ITPRID1: variants seen among roughly 807,000 people sequenced by gnomAD.
ITPRID1 encodes ITPR interacting domain containing 1.
A neutral mutation model predicts 95.4 loss-of-function variants in ITPRID1; 96 were observed. The ratio of observed to expected loss-of-function variants is 1.01; its 90% CI spans 0.85 to 1.19. The LOEUF is 1.19. ITPRID1 is among the 50% of genes most tolerant of loss of function. ITPRID1 has a pLI of 0.00. For missense variants in ITPRID1, 1,339 were observed against 1,252.9 expected (o/e 1.07, Z -1.04); for synonymous variants, 510 against 453.6 (o/e 1.12, Z -1.58).
At chr7:31,582,260 T>A (rs1462060471) in intron 9 of ITPRID1, among the ~76,000 whole-genome samples, 1 of 152,204 alleles carries the variant, frequency 6.6e-6, no homozygotes, top group Non-Finnish European at 1.5e-5. Flanking sequence ...AGATGATGTT[T>A]TCAAAGAAAT....
At chr7:31,534,509 C>CT (rs971072711) in intron 1 of ITPRID1, among the ~76,000 whole-genome samples, 1 of 152,016 alleles carries the variant, frequency 6.6e-6, no homozygotes, top group Admixed American at 6.6e-5. Context: ...GATAACATTG[C>CT]TTTTTTTACT....
At chr7:31,533,174 A>G (rs1783655029) in intron 1 of ITPRID1, among the ~76,000 whole-genome samples, 3 of 152,288 alleles carry the variant, frequency 2.0e-5, no homozygotes, top group African/African-American at 7.2e-5. Flanking sequence ...TTACAAATTC[A>G]ATTTCTTCAA....
At chr7:31,527,178 A>G (rs1196255747) in intron 1 of ITPRID1, among the ~76,000 whole-genome samples, 1 of 152,130 alleles carries the variant, frequency 6.6e-6, no homozygotes, top group African/African-American at 2.4e-5. Context: ...CATGCAAAGG[A>G]CAGAGGCTTA....
chr7:31,642,952 A>G lies in ITPRID1; in HGVS notation c.1582A>G (p.Thr528Ala). The G allele has an allele frequency of 6.2e-7, 1 of 1,614,008 alleles. No individual in the cohort carries two copies. Among genetic ancestry groups the G allele is most frequent in the South Asian group, 1.1e-5 (1 of 91,086 alleles). ...YIPDMACAKT[T>A]TRGECPRKDS... Reference sequence around the variant, plus strand: ...CCCAGACATGGCCTGTGCCAAGACCACCACGAGGGGAGAATGCCCAAGGAA... The same window carrying G: ...CCCAGACATGGCCTGTGCCAAGACCGCCACGAGGGGAGAATGCCCAAGGAA... Residue 528 changes from threonine (T) to alanine (A), a missense_variant, in exon 12 of 15, where the codon ACC (threonine) becomes GCC (alanine). Transcript: ENST00000615280.
rs748416695 is a variant in ITPRID1 at position 31,651,229 on chromosome 7, C to G, written c.2671C>G (p.Gln891Glu). The G allele has an allele frequency of 6.2e-7, 1 of 1,613,556 alleles. No homozygotes were observed. Among genetic ancestry groups the G allele is most frequent in the Non-Finnish European group, 8.5e-7 (1 of 1,179,612 alleles). The change falls in exon 13 of 15, where the codon CAG becomes GAG. Residue 891 changes from glutamine (Q) to glutamate (E), a missense_variant. Transcript: ENST00000615280. ...LEEIEQHLMGQQALFSRDMSE... is the reference protein window; with the variant it reads ...LEEIEQHLMGEQALFSRDMSE... ...AGAAATTGAACAGCACCTTATGGGA[C>G]AGCAGGCCCTCTTTTCCAGGGACAT... is the stretch of plus-strand genomic sequence containing the variant.
At chr7:31,554,836 C>G in intron 4 of ITPRID1, 22 bp from the exon 5 acceptor site, 1 of 1,547,616 alleles carries the variant, frequency 6.5e-7, no homozygotes. Context: ...GTTTGACTCA[C>G]AATACTTTTG....
chr7:31,631,432 A>G (rs1788986024), intron 10 of ITPRID1, among the ~76,000 whole-genome samples: 1 of 152,260 alleles, frequency 6.6e-6, no homozygotes, highest in Non-Finnish European at 1.5e-5. Flanking sequence ...CCCTAAATAC[A>G]TAGAAAGATT....
At chr7:31,604,844 TA>T (rs2128161490) in intron 10 of ITPRID1, among the ~76,000 whole-genome samples, 1 of 152,248 alleles carries the variant, frequency 6.6e-6, no homozygotes, top group Admixed American at 6.5e-5. Context: ...GGTTAGAAAA[TA>T]AATCTCTCAG....
In ITPRID1 at chr7:31,643,907, C is replaced by A; in HGVS notation, c.2537C>A (p.Thr846Lys). 1 of 1,613,742 alleles carries A rather than the reference C, an allele frequency of 6.2e-7. No individual in the cohort carries two copies. The highest frequency in any genetic ancestry group is 1.1e-5 in the South Asian group (1 of 91,074). ...GGTCACCAGGAAGCCCAGTTCATGA[C>A]GACTTTGAAAGCCCTTCAGGACACT... ...LTGHQEAQFM[T>K]TLKALQDTTV... is the part of the protein sequence containing the mutation. Residue 846 changes from threonine to lysine, a missense_variant, in exon 12 of 15, where the codon ACG becomes AAG. Transcript: ENST00000615280.
chr7:31,624,757 C>T (rs1374106645), intron 10 of ITPRID1, among the ~76,000 whole-genome samples: 1 of 151,626 alleles, frequency 6.6e-6, no homozygotes, highest in Non-Finnish European at 1.5e-5. Flanking sequence ...GCAACAAAAG[C>T]CAAAAGTGAC....
intron 10 of ITPRID1, among the ~76,000 whole-genome samples, chr7:31,586,487 C>G (rs1264126471): frequency 2.6e-5 from 4 of 151,402 alleles, no homozygotes; most frequent in African/African-American, 9.7e-5. Flanking sequence ...TTCTCCACAT[C>G]CTCTCCAGCA....
Position 31,652,558 on chromosome 7 carries a change from C to A in ITPRID1, c.2864C>A (p.Ser955Ter). ...ACAGCAGAGCCACCTGAACACTATT[C>A]AAATCTGCATCAATATAACTGGATA... ...VLTAEPPEHY[S>*]NLHQYNWIEE... Residue 955 changes from serine (S) to a stop codon, truncating the protein, a stop_gained, in exon 15 of 15, where the codon TCA becomes TAA. Transcript: ENST00000615280. LOFTEE classifies it low-confidence loss of function (END_TRUNC). The A allele has an allele frequency of 1.9e-6, 3 of 1,609,228 alleles. No homozygotes were observed. The highest frequency in any genetic ancestry group is 2.5e-6 in the Non-Finnish European group (3 of 1,177,576).
At chr7:31,618,913 G>A (rs1382355444) in intron 10 of ITPRID1, among the ~76,000 whole-genome samples, 1 of 152,164 alleles carries the variant, frequency 6.6e-6, no homozygotes, top group Non-Finnish European at 1.5e-5. Context: ...AGCCAAAGTG[G>A]ATAAAATGGT....
chr7:31,636,929 C>T (rs1427477169), intron 10 of ITPRID1, among the ~76,000 whole-genome samples: 2 of 132,210 alleles, frequency 1.5e-5, no homozygotes, highest in African/African-American at 5.7e-5. Context: ...TGTTCCCCTT[C>T]CTGTATCCAT....
At chr7:31,658,304 T>TA, downstream of ITPRID1, 1 of 1,520,170 alleles carries the variant, frequency 6.6e-7, no homozygotes. Context: ...GATCCCTTTT[T>TA]TTTTTCTTCA....
In ITPRID1 at chr7:31,642,768, G is replaced by A; in HGVS notation, c.1398G>A (p.Gln466=). ...AGAGCCACAGCTTAGTATCATCCCAGGACTGTCAGCTAGAGTCGGATGGGC... is the reference window on the plus strand; with the variant it reads ...AGAGCCACAGCTTAGTATCATCCCAAGACTGTCAGCTAGAGTCGGATGGGC... The part of the protein sequence containing the change: ...RDQSHSLVSS[Q]DCQLESDGPD... The change falls in exon 12 of 15, where the codon CAG becomes CAA. Residue 466 remains glutamine (Q), a synonymous_variant. Transcript: ENST00000615280. 4 of 1,614,024 alleles carry A rather than the reference G, an allele frequency of 2.5e-6. No individual in the cohort carries two copies. The highest frequency in any genetic ancestry group is 3.4e-6 in the Non-Finnish European group (4 of 1,179,890).
intron 2 of ITPRID1, among the ~76,000 whole-genome samples, chr7:31,549,723 T>C (rs1784220831): frequency 6.6e-6 from 1 of 152,158 alleles, no homozygotes; most frequent in Admixed American, 6.6e-5. Context: ...CAAAGCCAAC[T>C]GAATGCTCCT....
At position 31,578,947 on chromosome 7, in the gene ITPRID1, C is replaced by T. The variant is rs189136084; in HGVS notation, c.1170+513C>T. ...CCGGGGGTGTGTGTGGGAAATGTTT[C>T]CCCCACAATGCCTAACACAGGGCCT... is the stretch of plus-strand genomic sequence containing the variant. On this transcript the variant is annotated intron_variant, in intron 9 of 14. Coordinates refer to ENST00000615280, the MANE Select transcript of ITPRID1 (RefSeq NM_001257967.3). Among the ~76,000 whole-genome samples the T allele has an allele frequency of 2.7e-3, 413 of 152,224 alleles. 1 individual carries two copies. Among genetic ancestry groups the T allele is most frequent in the African/African-American group, 9.5e-3 (393 of 41,544 alleles).
chr7:31,600,002 A>G (rs1423734791), intron 10 of ITPRID1, among the ~76,000 whole-genome samples: 1 of 151,982 alleles, frequency 6.6e-6, no homozygotes, highest in Non-Finnish European at 1.5e-5. Context: ...CCAGCCAGTT[A>G]TTTTCTATAT....
Sources: gnomAD v4.1 joint callset for allele counts (sites outside exome capture counted in the v4.1 genomes callset) on GRCh38, gnomAD v4.1.1 for gene constraint, MANE v1.5 for transcripts, NCBI Gene and HGNC (gene_info 2026-07-23, HGNC 2026-07-21) for gene names.